Variants in IFRD1 observed in about 807,000 individuals in gnomAD.
IFRD1 encodes the protein interferon-related developmental regulator 1.
A neutral mutation model predicts 52.9 loss-of-function variants in IFRD1; 35 were observed. The ratio of observed to expected loss-of-function variants is 0.66; its 90% CI spans 0.51 to 0.88. The LOEUF (loss-of-function observed/expected upper bound fraction) is 0.88, where lower values mean the gene tolerates loss of function less well. Among genes scored for constraint, IFRD1 ranks in the 40% least tolerant of loss-of-function variants. The pLI, the probability that IFRD1 is intolerant of heterozygous loss-of-function variation, is 0.00. For synonymous variants in IFRD1, 184 were observed against 188.4 expected (o/e 0.98, Z 0.19); for missense variants, 517 against 550.8 (o/e 0.94, Z 0.61).
At chr7:112,437,588 C>G (rs1794736114) in intron 1 of IFRD1, among the ~76,000 whole-genome samples, 1 of 151,778 alleles carries the variant, frequency 6.6e-6, no homozygotes, top group African/African-American at 2.4e-5. Flanking sequence ...AGCCAGGGTT[C>G]AAATCCTAAT....
intron 1 of IFRD1, among the ~76,000 whole-genome samples, chr7:112,442,224 A>G (rs558619561): frequency 6.6e-6 from 1 of 152,322 alleles, no homozygotes; most frequent in South Asian, 2.1e-4. Context: ...TCTTGTCCTT[A>G]TAAGTCTGAT....
At chr7:112,428,095 A>T (rs1366477558) in intron 1 of IFRD1, among the ~76,000 whole-genome samples, 1 of 152,190 alleles carries the variant, frequency 6.6e-6, no homozygotes, top group Non-Finnish European at 1.5e-5. Flanking sequence ...TTCTCAGCCA[A>T]GAGGTCAGTC....
chr7:112,426,140 G>A (rs1286129926), intron 1 of IFRD1, among the ~76,000 whole-genome samples: 1 of 152,118 alleles, frequency 6.6e-6, no homozygotes, highest in Non-Finnish European at 1.5e-5. Flanking sequence ...TGAGCCTGGA[G>A]TTCAAGGCTA....
At chr7:112,462,608 T>TC (rs1231886849) in intron 8 of IFRD1, among the ~76,000 whole-genome samples, 5 of 152,154 alleles carry the variant, frequency 3.3e-5, no homozygotes, top group African/African-American at 1.2e-4. Flanking sequence ...ATTTTTGCTA[T>TC]CTATAGAACT....
intron 1 of IFRD1, among the ~76,000 whole-genome samples, chr7:112,436,812 T>C (rs1794707043): frequency 6.6e-6 from 1 of 152,076 alleles, no homozygotes; most frequent in Non-Finnish European, 1.5e-5. Context: ...TCAGGAAAGA[T>C]TTTAAAGGAA....
chr7:112,450,775 G>T lies in IFRD1; in HGVS notation c.87G>T (p.Ala29=), dbSNP rs748390760. 13 of 1,611,418 alleles carry T rather than the reference G, an allele frequency of 8.1e-6. No individual in the cohort carries two copies. The highest frequency in any genetic ancestry group is 1.1e-5 in the Non-Finnish European group (13 of 1,178,856). The change falls in exon 1 of 12, where the codon GCG becomes GCT. Residue 29 remains alanine (A), a synonymous_variant. Coordinates refer to ENST00000403825, the MANE Select transcript of IFRD1 (RefSeq NM_001550.4). ...CAGGAGCAGCCGCAGCGACGGCGGC[G>T]ACAGCAGGTAAGGGGTATCCCCGCC... is the stretch of plus-strand genomic sequence containing the variant. The part of the protein sequence containing the change: ...GGSGAAAATA[A]TAGGQHRNVQ...
At position 112,475,722 on chromosome 7, in the gene IFRD1, A is replaced by G. The variant is rs959272666; in HGVS notation, c.*203A>G. ...ATTCTCTGTAAATCAGTAAACATGT[A>G]TAAAGTATTTGTAATGTTTGGTCAT... On this transcript the variant is annotated 3_prime_UTR_variant, in exon 12 of 12. Coordinates refer to ENST00000403825, the MANE Select transcript of IFRD1 (RefSeq NM_001550.4). 3.8e-6 allele frequency: 2 copies of G among 531,020 alleles called. No homozygotes were observed. The highest frequency in any genetic ancestry group is 3.2e-5 in the East Asian group (1 of 31,524). The allele number at this position is 531,020 out of a possible 1,614,324, so 32.9% of individuals were successfully genotyped here.
chr7:112,453,570 CTG>C (rs763759704), intron 1 of IFRD1, among the ~76,000 whole-genome samples: 2 of 151,992 alleles, frequency 1.3e-5, no homozygotes, highest in African/African-American at 2.4e-5. Context: ...AAAAGAAAAA[CTG>C]TGAATTGACT....
At chr7:112,471,281 C>A (rs1224268966) in intron 9 of IFRD1, among the ~76,000 whole-genome samples, 1 of 152,154 alleles carries the variant, frequency 6.6e-6, no homozygotes, top group Non-Finnish European at 1.5e-5. Flanking sequence ...AGGGAACAGA[C>A]TCAGCAAGGT....
At chr7:112,424,505 C>T (rs563939192) in intron 1 of IFRD1, among the ~76,000 whole-genome samples, 1 of 152,056 alleles carries the variant, frequency 6.6e-6, no homozygotes, top group East Asian at 1.9e-4. Context: ...CCCTCCGCCT[C>T]CCAGGTTCAA....
Position 112,453,531 on chromosome 7 carries a change from G to A in IFRD1, c.95-2232G>A, listed in dbSNP as rs576534590. Among the ~76,000 whole-genome samples, 50 of 152,174 alleles carry A rather than the reference G, an allele frequency of 3.3e-4. 1 individual carries two copies. In the Middle Eastern group the frequency reaches 0.014, roughly 41 times the overall value. On this transcript the variant is annotated intron_variant, in intron 1 of 11. Coordinates refer to ENST00000403825, the MANE Select transcript of IFRD1 (RefSeq NM_001550.4). ...AAGGGAGCAGAGTAAGAGCTGCATA[G>A]GAGGAATACTCTTAGAAATAGGCTA...
chr7:112,462,415 A>T (rs1187476705), intron 8 of IFRD1, 37 bp downstream of exon 8: 2 of 1,389,328 alleles, frequency 1.4e-6, no homozygotes, highest in Admixed American at 3.4e-5. Flanking sequence ...AGCTTGTGTC[A>T]CAAGGCCCAT....
Position 112,472,866 on chromosome 7 carries a change from G to T in IFRD1, c.1266+5G>T. 1.2e-6 allele frequency: 2 copies of T among 1,604,492 alleles called. No individual in the cohort carries two copies. Among genetic ancestry groups the T allele is most frequent in the Non-Finnish European group, 1.7e-6 (2 of 1,171,290 alleles). ...AAGATTTCTCGTTTCGAAAGGGTAG[G>T]TTTTGTTTTTATTTTTAATAAAACT... On this transcript the variant is annotated splice_donor_5th_base_variant and intron_variant, in intron 11 of 11. Transcript: ENST00000403825.
chr7:112,459,740 C>A (rs1795385173), intron 5 of IFRD1, among the ~76,000 whole-genome samples: 1 of 152,216 alleles, frequency 6.6e-6, no homozygotes, highest in African/African-American at 2.4e-5. Context: ...CAGGCCTCCA[C>A]TGCAGCTCTG....
intron 3 of IFRD1, among the ~76,000 whole-genome samples, chr7:112,456,490 ATTGT>A (rs1795294161): frequency 1.3e-5 from 2 of 152,194 alleles, no homozygotes; most frequent in South Asian, 4.1e-4. Context: ...TCAAAGCTAG[ATTGT>A]TTCTTTTCAC....
Position 112,468,711 on chromosome 7 carries a change from G to A in IFRD1, c.1041+596G>A, listed in dbSNP as rs149654436. Among the ~76,000 whole-genome samples the A allele has an allele frequency of 3.7e-3, 561 of 152,216 alleles. 2 individuals are homozygous for A. Among genetic ancestry groups the A allele is most frequent in the African/African-American group, 0.013 (526 of 41,534 alleles). On this transcript the variant is annotated intron_variant, in intron 9 of 11. Transcript: ENST00000403825. ...GACAGGGTTTCACCATCTTGGCCAG[G>A]CTGGTCTTGAACTCCTGACCTTGTG...
intron 1 of IFRD1, among the ~76,000 whole-genome samples, chr7:112,445,318 G>A (rs1584479918): frequency 6.6e-6 from 1 of 152,032 alleles, no homozygotes; most frequent in Non-Finnish European, 1.5e-5. Context: ...CGCCCACCTT[G>A]GCCTCCCAGA....
At chr7:112,451,377 C>G (rs6978173) in intron 1 of IFRD1, among the ~76,000 whole-genome samples, 11,028 of 152,272 alleles carry the variant, frequency 0.072, 562 homozygotes, top group South Asian at 0.21. Context: ...CTTTCTCCCC[C>G]CTAGGCTGTG....
At chr7:112,431,369 CT>C (rs1563255351) in intron 1 of IFRD1, among the ~76,000 whole-genome samples, 1 of 152,174 alleles carries the variant, frequency 6.6e-6, no homozygotes, top group Non-Finnish European at 1.5e-5. Context: ...TTTTCCTCCT[CT>C]TGAGAAACAG....
Sources: gnomAD v4.1 joint callset for allele counts (sites outside exome capture counted in the v4.1 genomes callset) on GRCh38, gnomAD v4.1.1 for gene constraint, MANE v1.5 for transcripts, NCBI Gene and HGNC (gene_info 2026-07-23, HGNC 2026-07-21) for gene names.